The following DIDO1 variants were observed in gnomAD, a reference collection of about 807,000 sequenced individuals.
DIDO1 encodes death inducer-obliterator 1.
Under a neutral mutation model 99.4 loss-of-function variants are expected in DIDO1, and 16 were observed. The ratio of observed to expected loss-of-function variants is 0.16; its 90% CI spans 0.11 to 0.24. The LOEUF is 0.24. DIDO1 is among the 10% of genes least tolerant of loss of function. The pLI is 1.00. For synonymous variants in DIDO1, 1,366 were observed against 1,239.1 expected (o/e 1.10, Z -2.15); for missense variants, 2,996 against 3,014.0 (o/e 0.99, Z 0.14).
chr20:62,889,667 G>A (rs539802442), intron 15 of DIDO1: 59 of 985,398 alleles, frequency 6.0e-5, no homozygotes, highest in South Asian at 5.6e-4. Flanking sequence ...CCCTGGTCAC[G>A]TGGAGCTGGC....
At chr20:62,908,378 A>G (rs145650874) in intron 4 of DIDO1, among the ~76,000 whole-genome samples, 1 of 152,302 alleles carries the variant, frequency 6.6e-6, no homozygotes, top group Non-Finnish European at 1.5e-5. Flanking sequence ...CCGTGACTGC[A>G]GTCCTGTGAG....
In DIDO1 at chr20:62,911,048, G is replaced by C; in HGVS notation, c.565C>G (p.Arg189Gly). 6.2e-7 allele frequency: 1 copy of C among 1,613,588 alleles called. No individual in the cohort carries two copies. ...GGACCCTCCTCCCGGCGCTTCTTCC[G>C]CAGGCGACTCTGGATCCCTTTCAGG... ...RPLKGIQSRL[R>G]KKRREEGPAE... The change falls in exon 3 of 16, where the codon CGG becomes GGG. Residue 189 changes from arginine (R) to glycine (G), a missense_variant. Around this residue, in one of 5 missense-constraint regions of DIDO1, gnomAD observed 388 missense variants for 376.6 expected, o/e 1.03. Coordinates refer to ENST00000395343, the MANE Select transcript of DIDO1 (RefSeq NM_001193369.2). This position sits in a 1 kb window ranked among gnomAD's most constrained non-coding sequence, Gnocchi z 7.0.
At position 62,892,040 on chromosome 20, in the gene DIDO1, C is replaced by T. The variant is rs369951779; in HGVS notation, c.3292G>A (p.Ala1098Thr). 1.2e-5 allele frequency: 20 copies of T among 1,613,134 alleles called. No individual in the cohort carries two copies. Among genetic ancestry groups the T allele is most frequent in the Admixed American group, 5.0e-5 (3 of 59,718 alleles). The change falls in exon 14 of 16, where the codon GCA (alanine) becomes ACA (threonine). Residue 1098 changes from alanine to threonine, a missense_variant. Ala to Thr is a moderately conservative substitution (Grantham distance 58). Around this residue, in one of 5 missense-constraint regions of DIDO1, gnomAD observed 135 missense variants for 202.3 expected, o/e 0.67. Transcript: ENST00000395343. ...ACATAATCCCAAACTGTCTTCGGTG[C>T]GATCCTCCCACCAATGTGAATTGTG... Reference protein sequence around the residue: ...PDTIHIGGRIAPKTVWDYVGK... With the variant: ...PDTIHIGGRITPKTVWDYVGK...
chr20:62,910,081 A>C, intron 3 of DIDO1, 61 bp from the exon 4 acceptor site: 1 of 1,519,592 alleles, frequency 6.6e-7, no homozygotes, highest in Non-Finnish European at 8.9e-7. Flanking sequence ...TTTTCAACAC[A>C]TTAATAAGAC....
chr20:62,912,487 G>C (rs1286363273), intron 2 of DIDO1, among the ~76,000 whole-genome samples: 1 of 148,846 alleles, frequency 6.7e-6, no homozygotes, highest in African/African-American at 2.5e-5. Context: ...GTTAGCCACT[G>C]TGCCAGGCCA....
chr20:62,902,495 TG>T (rs932985681), intron 6 of DIDO1, among the ~76,000 whole-genome samples: 5 of 152,082 alleles, frequency 3.3e-5, no homozygotes, highest in African/African-American at 1.2e-4. Context: ...ACGCGACCAG[TG>T]AAACAAGCCA....
chr20:62,904,490 A>G (rs551015746), intron 6 of DIDO1, among the ~76,000 whole-genome samples: 10 of 152,256 alleles, frequency 6.6e-5, no homozygotes, highest in African/African-American at 1.7e-4. Flanking sequence ...CAATAACTGC[A>G]TATTTTTAGC....
chr20:62,890,191 G>T (rs944637031), intron 15 of DIDO1: 1 of 985,926 alleles, frequency 1.0e-6, no homozygotes. Context: ...CCACACACCC[G>T]CTTTGAGAGA....
chr20:62,907,107 G>A (rs2064824189), intron 5 of DIDO1, 40 bp downstream of exon 5: 5 of 1,603,592 alleles, frequency 3.1e-6, no homozygotes, highest in East Asian at 2.2e-5. Context: ...TCTCACGCCT[G>A]TGCGTCCACT....
chr20:62,882,496 C>T (rs2064226027), intron 15 of DIDO1, 82 bp from the exon 16 acceptor site: 1 of 1,335,414 alleles, frequency 7.5e-7, no homozygotes, highest in Admixed American at 2.2e-5. Context: ...TAAGGGCTTT[C>T]ACGGGGAACG....
At chr20:62,905,470 G>T in intron 6 of DIDO1, 1 of 1,542,296 alleles carries the variant, frequency 6.5e-7, no homozygotes, top group Non-Finnish European at 8.8e-7. Context: ...CGTGGACAAT[G>T]TGGAAAAACT....
In DIDO1 at chr20:62,891,975, AT is replaced by A; in HGVS notation, c.3345+11del. Reference sequence around the variant, plus strand: ...TTTCCATGGTTGCAGAATTTATACTATAAGCAGGTACCTTAGACACAGAAGA... The same window carrying A: ...TTTCCATGGTTGCAGAATTTATACTAAAGCAGGTACCTTAGACACAGAAGA... On this transcript the variant is annotated intron_variant, in intron 14 of 15. Coordinates refer to ENST00000395343, the MANE Select transcript of DIDO1 (RefSeq NM_001193369.2). The A allele has an allele frequency of 6.3e-7, 1 of 1,598,946 alleles. No individual in the cohort carries two copies. Among genetic ancestry groups the A allele is most frequent in the Non-Finnish European group, 8.5e-7 (1 of 1,175,168 alleles).
Position 62,891,040 on chromosome 20 carries a change from CTGT to C in DIDO1, c.3458_3460del (p.Asn1153del), listed in dbSNP as rs772850775. ...GATCAGGTAGAGGTCCTTGACGTGC[CTGT>C]TGTTATTAGCTACAACACCAAAGCG... On this transcript the variant is annotated inframe_deletion, in exon 15 of 16. Transcript: ENST00000395343. 1.9e-6 allele frequency: 3 copies of C among 1,614,184 alleles called. No homozygotes were observed. The highest frequency in any genetic ancestry group is 2.5e-6 in the Non-Finnish European group (3 of 1,180,044).
At position 62,894,002 on chromosome 20, in the gene DIDO1, G is replaced by A; in HGVS notation, c.2765C>T (p.Pro922Leu). The part of the protein sequence containing the change: ...SEPGLESASH[P>L]NVDRTYFPGP... ...AGGGAAATACGTTCTGTCCACATTTGGATGAGAAGCACTTTCTAGGCCTGG... is the reference window on the plus strand; with the variant it reads ...AGGGAAATACGTTCTGTCCACATTTAGATGAGAAGCACTTTCTAGGCCTGG... The change falls in exon 12 of 16, where the codon CCA becomes CTA. Residue 922 changes from proline (P) to leucine (L), a missense_variant. Coordinates refer to ENST00000395343, the MANE Select transcript of DIDO1 (RefSeq NM_001193369.2). The surrounding 1 kb of genome is among the most constrained non-coding windows in gnomAD (Gnocchi z 4.4). The A allele has an allele frequency of 6.2e-7, 1 of 1,614,148 alleles. No individual in the cohort carries two copies. Among genetic ancestry groups the A allele is most frequent in the African/African-American group, 1.3e-5 (1 of 75,048 alleles).
Position 62,896,180 on chromosome 20 carries a change from G to C in DIDO1, c.2214+53C>G. On this transcript the variant is annotated intron_variant, in intron 8 of 15. Transcript: ENST00000395343. The surrounding 1 kb of genome is among the most constrained non-coding windows in gnomAD (Gnocchi z 4.4). ...CTCAAAATATTGGTTGATCCCTTTA[G>C]CACCCAGCGAACAGAACAGGAATAC... 3.2e-6 allele frequency: 5 copies of C among 1,545,370 alleles called. No individual in the cohort carries two copies. Among genetic ancestry groups the C allele is most frequent in the South Asian group, 1.2e-5 (1 of 84,766 alleles).
chr20:62,921,874 C>T (rs1046399351), intron 1 of DIDO1, among the ~76,000 whole-genome samples: 9 of 150,036 alleles, frequency 6.0e-5, no homozygotes, highest in Non-Finnish European at 1.3e-4. Flanking sequence ...TATATATATC[C>T]ACAATATATA....
At chr20:62,904,953 GGTGCTTTTTAAAAAAA>G in intron 6 of DIDO1, 1 of 972,852 alleles carries the variant, frequency 1.0e-6, no homozygotes, top group African/African-American at 1.8e-5. Context: ...TTAACCTTTC[GGTGCTTTTTAAAAAAA>G]GCACAAAATG....
intron 3 of DIDO1, among the ~76,000 whole-genome samples, chr20:62,910,241 T>C (rs943409122): frequency 6.6e-6 from 1 of 152,182 alleles, no homozygotes; most frequent in African/African-American, 2.4e-5. Flanking sequence ...CTCTAAGGCA[T>C]TCCACCACAG....
chr20:62,911,223 T>C lies in DIDO1; in HGVS notation c.390A>G (p.Thr130=). The C allele has an allele frequency of 1.9e-6, 3 of 1,613,622 alleles. No individual in the cohort carries two copies. Among genetic ancestry groups the C allele is most frequent in the African/African-American group, 1.3e-5 (1 of 75,054 alleles). Reference sequence around the variant, plus strand: ...AAGAGGCTGGTCGTTCCTTCACAGCTGTGGAAGCAGACTGGGGGCCGCTTC... The same window carrying C: ...AAGAGGCTGGTCGTTCCTTCACAGCCGTGGAAGCAGACTGGGGGCCGCTTC... ...ETRSGPQSAS[T]AVKERPASSE... is the part of the protein sequence containing the mutation. The change falls in exon 3 of 16, where the codon ACA becomes ACG. Residue 130 remains threonine, a synonymous_variant. Transcript: ENST00000395343. This position sits in a 1 kb window ranked among gnomAD's most constrained non-coding sequence, Gnocchi z 7.0.
Sources: allele counts gnomAD v4.1 joint callset (sites outside exome capture counted in the v4.1 genomes callset), GRCh38; gene constraint gnomAD v4.1.1; regional missense constraint gnomAD v4.1.1; non-coding constraint Gnocchi (gnomAD v3.1); transcripts MANE v1.5; gene names NCBI Gene and HGNC (gene_info 2026-07-23, HGNC 2026-07-21).